The following SLC39A11 variants were observed in gnomAD, a reference collection of about 807,000 sequenced individuals.
SLC39A11 encodes the protein zinc transporter ZIP11.
A neutral mutation model predicts 36.1 loss-of-function variants in SLC39A11; 33 were observed. The ratio of observed to expected loss-of-function variants is 0.91; its 90% confidence interval spans 0.69 to 1.22. The LOEUF is 1.22. Ranked by LOEUF, SLC39A11 falls within the 50% of genes most tolerant of loss-of-function variation. The pLI is 0.00. For synonymous variants in SLC39A11, 166 were observed against 170.3 expected, an observed-to-expected ratio of 0.97 and a Z score of 0.20; for missense variants, 432 against 430.3, an observed-to-expected ratio of 1.00 and a Z score of -0.03.
chr17:73,007,245 A>C (rs895578697), intron 4 of SLC39A11, among the ~76,000 whole-genome samples: 18 of 152,138 alleles, frequency 1.2e-4, no homozygotes, highest in Non-Finnish European at 2.6e-4. Context: ...ACATGGTGAA[A>C]TCCCATCTCT....
chr17:72,704,294 G>C (rs779991786), intron 7 of SLC39A11, among the ~76,000 whole-genome samples: 20 of 152,134 alleles, frequency 1.3e-4, no homozygotes, highest in Non-Finnish European at 2.8e-4. Context: ...CAGAGATCTC[G>C]ATTCACTTGT....
intron 6 of SLC39A11, among the ~76,000 whole-genome samples, chr17:72,795,072 T>C (rs1326482644): frequency 6.6e-6 from 1 of 152,114 alleles, no homozygotes; most frequent in Non-Finnish European, 1.5e-5. Flanking sequence ...GAGTATCAAA[T>C]AATTTATCTC....
At chr17:72,774,789 T>C (rs2076075949) in intron 6 of SLC39A11, among the ~76,000 whole-genome samples, 1 of 152,192 alleles carries the variant, frequency 6.6e-6, no homozygotes, top group African/African-American at 2.4e-5. Flanking sequence ...TGCCGGGATC[T>C]AGCTACATAC....
chr17:72,919,724 C>A (rs1314801527), intron 5 of SLC39A11, among the ~76,000 whole-genome samples: 1 of 150,142 alleles, frequency 6.7e-6, no homozygotes, highest in African/African-American at 2.5e-5. Context: ...GAAGCCAGAA[C>A]CCTCTGCCTG....
intron 6 of SLC39A11, among the ~76,000 whole-genome samples, chr17:72,797,566 G>A (rs542715594): frequency 6.6e-6 from 1 of 152,246 alleles, no homozygotes; most frequent in African/African-American, 2.4e-5. Flanking sequence ...AAAGGGTTGA[G>A]GAGGGCGAAT....
At chr17:72,797,576 T>C (rs992249395) in intron 6 of SLC39A11, among the ~76,000 whole-genome samples, 1 of 152,056 alleles carries the variant, frequency 6.6e-6, no homozygotes. Flanking sequence ...GGAGGGCGAA[T>C]TGACTGTGGT....
chr17:72,820,496 G>A (rs2077735371), intron 6 of SLC39A11, among the ~76,000 whole-genome samples: 1 of 151,038 alleles, frequency 6.6e-6, no homozygotes, highest in African/African-American at 2.4e-5. Context: ...CCTTCAACAG[G>A]AGCACCCTCT....
chr17:72,780,942 G>A (rs911563371), intron 6 of SLC39A11, among the ~76,000 whole-genome samples: 4 of 152,086 alleles, frequency 2.6e-5, no homozygotes, highest in Admixed American at 6.6e-5. Flanking sequence ...AGCTCAGATC[G>A]CGCCATTGCA....
intron 5 of SLC39A11, among the ~76,000 whole-genome samples, chr17:72,901,003 A>AC (rs773174967): frequency 1.1e-4 from 16 of 151,622 alleles, no homozygotes; most frequent in Admixed American, 3.9e-4. Flanking sequence ...CGAAAAAAAA[A>AC]CACGATGCTG....
intron 4 of SLC39A11, among the ~76,000 whole-genome samples, chr17:73,023,124 C>A (rs1047261752): frequency 3.9e-5 from 6 of 152,160 alleles, no homozygotes; most frequent in African/African-American, 1.4e-4. Context: ...AGCCAGCCAG[C>A]CCACTGTTCC....
chr17:72,672,054 C>A (rs992609042), intron 7 of SLC39A11, among the ~76,000 whole-genome samples: 1 of 152,128 alleles, frequency 6.6e-6, no homozygotes, highest in Admixed American at 6.6e-5. Context: ...CAAACACACA[C>A]ACACACAGAT....
chr17:72,785,254 G>A (rs1057386520), intron 6 of SLC39A11, among the ~76,000 whole-genome samples: 2 of 152,130 alleles, frequency 1.3e-5, no homozygotes, highest in African/African-American at 4.8e-5. Context: ...ATAGGATGAG[G>A]GCTTAGAAGG....
chr17:72,701,456 T>A (rs1378608205), intron 7 of SLC39A11, among the ~76,000 whole-genome samples: 1 of 152,054 alleles, frequency 6.6e-6, no homozygotes. Context: ...TGGCTAGGCA[T>A]GGTAGCTCAT....
At chr17:72,870,688 G>T (rs2080564572) in intron 5 of SLC39A11, among the ~76,000 whole-genome samples, 1 of 152,252 alleles carries the variant, frequency 6.6e-6, no homozygotes, top group Admixed American at 6.5e-5. Context: ...GTAGCTCCAA[G>T]ATAATGTTGC....
In SLC39A11 at chr17:72,649,284, A is replaced by C; in HGVS notation, c.672-16T>G. 1 of 1,611,572 alleles carries C rather than the reference A, an allele frequency of 6.2e-7. No homozygotes were observed. The highest frequency in any genetic ancestry group is 8.5e-7 in the Non-Finnish European group (1 of 1,178,274). On this transcript the variant is annotated splice_polypyrimidine_tract_variant and intron_variant, in intron 7 of 9. Coordinates refer to ENST00000255559, the MANE Select transcript of SLC39A11 (RefSeq NM_139177.4). ...GGCCAAATTCCTGAAAAACCAAGAA[A>C]GCACATGAAGGCTGCTGTCTGGAAT...
chr17:72,675,489 T>C (rs975704213), intron 7 of SLC39A11, among the ~76,000 whole-genome samples: 1 of 152,224 alleles, frequency 6.6e-6, no homozygotes, highest in African/African-American at 2.4e-5. Flanking sequence ...CTAAGACATG[T>C]AGCAACAGTC....
At chr17:72,696,479 G>A (rs1190822071) in intron 7 of SLC39A11, among the ~76,000 whole-genome samples, 7 of 152,148 alleles carry the variant, frequency 4.6e-5, no homozygotes, top group African/African-American at 1.4e-4. Flanking sequence ...TGTTTAAACC[G>A]AGATCTGATC....
At chr17:72,765,442 T>C (rs1193898905) in intron 6 of SLC39A11, among the ~76,000 whole-genome samples, 1 of 152,208 alleles carries the variant, frequency 6.6e-6, no homozygotes, top group East Asian at 1.9e-4. Context: ...AATAAAACTT[T>C]AGCCTCCCAT....
chr17:72,772,605 G>A (rs570459604), intron 6 of SLC39A11, among the ~76,000 whole-genome samples: 1 of 152,346 alleles, frequency 6.6e-6, no homozygotes, highest in African/African-American at 2.4e-5. Flanking sequence ...GAAGGTAAGT[G>A]TGGAGGAGGT....
Sources: allele counts gnomAD v4.1 joint callset (sites outside exome capture counted in the v4.1 genomes callset), GRCh38; gene constraint gnomAD v4.1.1; transcripts MANE v1.5; gene names NCBI Gene and HGNC (gene_info 2026-07-23, HGNC 2026-07-21).